COL20A1: variants seen among roughly 807,000 people sequenced by gnomAD.
COL20A1 encodes the protein collagen alpha-1(XX) chain.
A neutral mutation model predicts 152.9 loss-of-function variants in COL20A1; 164 were observed. The observed-to-expected ratio is 1.07, with a 90% CI of 0.94 to 1.22. The LOEUF is 1.22. Among genes scored for constraint, COL20A1 ranks in the 50% most tolerant of loss-of-function variants. COL20A1 has a pLI of 0.00. For missense variants in COL20A1, 1,873 were observed against 1,744.8 expected (o/e 1.07, Z -1.31); for synonymous variants, 864 against 756.0 (o/e 1.14, Z -2.34).
intron 26 of COL20A1, 111 bp downstream of exon 26, chr20:63,321,210 T>C: frequency 1.5e-6 from 1 of 666,302 alleles, no homozygotes; most frequent in South Asian, 1.8e-5. Flanking sequence ...GCCCCCGTCC[T>C]GCCGCAGAGT....
At chr20:63,314,804 GC>G (rs2068062736) in intron 19 of COL20A1, among the ~76,000 whole-genome samples, 1 of 151,280 alleles carries the variant, frequency 6.6e-6, no homozygotes, top group African/African-American at 2.4e-5. Context: ...CATCTCCCTG[GC>G]CCCCAGGACA....
At chr20:63,322,651 C>T (rs2068182225) in intron 27 of COL20A1, among the ~76,000 whole-genome samples, 1 of 152,236 alleles carries the variant, frequency 6.6e-6, no homozygotes, top group Non-Finnish European at 1.5e-5. Context: ...GGCAGCAGCC[C>T]CCCACCCCAG....
intron 20 of COL20A1, 129 bp downstream of exon 20, chr20:63,315,568 G>C (rs1020758747): frequency 1.2e-6 from 1 of 837,386 alleles, no homozygotes; most frequent in Non-Finnish European, 1.8e-6. Flanking sequence ...GGGCGGGTTT[G>C]TGCCTCCACA....
chr20:63,310,299 CT>C, intron 10 of COL20A1, 81 bp from the exon 11 acceptor site: 1 of 1,497,660 alleles, frequency 6.7e-7, no homozygotes, highest in Non-Finnish European at 9.1e-7. Flanking sequence ...TGAGCTCACA[CT>C]CCAGCTGACG....
Position 63,330,868 on chromosome 20 carries a change from G to A in COL20A1, c.*152G>A, listed in dbSNP as rs1204515184. 2.0e-5 allele frequency: 3 copies of A among 152,250 alleles called. No individual in the cohort carries two copies. The highest frequency in any genetic ancestry group is 4.4e-5 in the Non-Finnish European group (3 of 68,088). 9.4% of individuals were successfully genotyped at this position (152,250 alleles called of 1,614,324 possible). ...AGAGGGAAGCAGCGGCCTCGGCCAA[G>A]GCCCACCCCATACTCTTGGCTCTGT... On this transcript the variant is annotated 3_prime_UTR_variant, in exon 36 of 36. Coordinates refer to ENST00000358894, the MANE Select transcript of COL20A1 (RefSeq NM_020882.4).
Position 63,308,064 on chromosome 20 carries a change from G to T in COL20A1, c.749G>T (p.Arg250Leu). Residue 250 changes from arginine to leucine, a missense_variant, in exon 7 of 36, where the codon CGC (arginine) becomes CTC (leucine). Transcript: ENST00000358894. ...GTGCTGGCAGCTGTGCGCCGCCTCC[G>T]CTACAAGGGGGGGAACACGTTCACA... ...EQVLAAVRRLRYKGGNTFTGL... is the reference protein window; with the variant it reads ...EQVLAAVRRLLYKGGNTFTGL... 2.5e-6 allele frequency: 4 copies of T among 1,612,318 alleles called. No individual in the cohort carries two copies. The highest frequency in any genetic ancestry group is 1.1e-5 in the South Asian group (1 of 91,080).
chr20:63,312,480 T>TA lies in COL20A1; in HGVS notation c.1865dup (p.Tyr622Ter). The TA allele has an allele frequency of 6.2e-7, 1 of 1,609,016 alleles. No homozygotes were observed. Among genetic ancestry groups the TA allele is most frequent in the Non-Finnish European group, 8.5e-7 (1 of 1,178,846 alleles). Residue 622 changes from tyrosine to a stop codon, truncating the protein, a stop_gained and frameshift_variant, in exon 15 of 36, where the codon TAC becomes TAAC. Coordinates refer to ENST00000358894, the MANE Select transcript of COL20A1 (RefSeq NM_020882.4). LOFTEE classifies it high-confidence loss of function. Reference protein sequence around the residue: ...TLGPLSSSTTYTVRVTCLYPG... With the variant: ...TLGPLSSSTT ...GGGGCCTCTCTCTTCCTCCACCACC[T>TA]ACACTGTCCGTGTCACCTGCCTCTA...
intron 3 of COL20A1, 132 bp downstream of exon 3, chr20:63,298,152 C>T (rs1311513866): frequency 1.6e-6 from 1 of 624,444 alleles, no homozygotes; most frequent in African/African-American, 1.8e-5. Context: ...ACCTCTCTGG[C>T]CTTGGTCTCT....
At chr20:63,317,827 A>T (rs1202892577) in intron 21 of COL20A1, among the ~76,000 whole-genome samples, 1 of 151,702 alleles carries the variant, frequency 6.6e-6, no homozygotes, top group African/African-American at 2.4e-5. Flanking sequence ...CAGGCTGCAG[A>T]GCCCTCTTCC....
chr20:63,295,991 G>A (rs1036407752), intron 2 of COL20A1, among the ~76,000 whole-genome samples: 24 of 152,384 alleles, frequency 1.6e-4, no homozygotes, highest in East Asian at 7.7e-4. Flanking sequence ...TCTACTGTGC[G>A]TTTAAAGCAC....
At chr20:63,329,717 G>C in intron 35 of COL20A1, 56 bp downstream of exon 35, 5 of 1,312,118 alleles carry the variant, frequency 3.8e-6, no homozygotes, top group Non-Finnish European at 5.2e-6. Context: ...CAGGAAGGAG[G>C]AGCTCCTGAG....
chr20:63,298,415 T>C (rs1287057914), intron 3 of COL20A1, among the ~76,000 whole-genome samples: 1 of 151,966 alleles, frequency 6.6e-6, no homozygotes, highest in Non-Finnish European at 1.5e-5. Context: ...CTCAGCCTCC[T>C]GTGTAGCTGG....
chr20:63,310,335 C>A, intron 10 of COL20A1, 46 bp from the exon 11 acceptor site: 1 of 1,601,162 alleles, frequency 6.2e-7, no homozygotes, highest in East Asian at 2.3e-5. Flanking sequence ...CTCCCCATCC[C>A]CCGGCACCCC....
At chr20:63,323,828 C>G (rs890231034) in intron 27 of COL20A1, among the ~76,000 whole-genome samples, 1 of 152,220 alleles carries the variant, frequency 6.6e-6, no homozygotes, top group Non-Finnish European at 1.5e-5. Flanking sequence ...TTTCCTGGCT[C>G]TCTTTGCTTA....
chr20:63,321,768 T>G (rs1188427271), intron 26 of COL20A1, among the ~76,000 whole-genome samples: 1 of 152,182 alleles, frequency 6.6e-6, no homozygotes, highest in African/African-American at 2.4e-5. Context: ...CTTCCAGAGC[T>G]GGCTCTGGGA....
chr20:63,299,662 A>G, intron 3 of COL20A1, among the ~76,000 whole-genome samples: 1 of 152,194 alleles, frequency 6.6e-6, no homozygotes, highest in African/African-American at 2.4e-5. Flanking sequence ...TATCAGGTTC[A>G]GTCCTGTGCT....
rs745514402 is a variant in COL20A1, at chr20:63,316,572, C to T, written c.2544C>T (p.Ala848=). The T allele has an allele frequency of 9.4e-6, 15 of 1,590,778 alleles. No individual in the cohort carries two copies. In the African/African-American group the frequency reaches 1.9e-4, roughly 20 times the overall value. Reference sequence around the variant, plus strand: ...CCCCAGGGTTTGACCTGATGGTGGCCTTCAGCCTGGTGGAAAAGGCTTATG... The same window carrying T: ...CCCCAGGGTTTGACCTGATGGTGGCTTTCAGCCTGGTGGAAAAGGCTTATG... ...GSLPGFDLMV[A]FSLVEKAYAS... The change falls in exon 21 of 36, where the codon GCC becomes GCT. Residue 848 remains alanine, a synonymous_variant. Coordinates refer to ENST00000358894, the MANE Select transcript of COL20A1 (RefSeq NM_020882.4).
At chr20:63,322,639 A>T (rs2068181925) in intron 27 of COL20A1, among the ~76,000 whole-genome samples, 1 of 152,218 alleles carries the variant, frequency 6.6e-6, no homozygotes, top group Non-Finnish European at 1.5e-5. Context: ...GCGCCCAGCG[A>T]TGGCAGCAGC....
At chr20:63,295,466 C>T (rs2067777078) in intron 2 of COL20A1, among the ~76,000 whole-genome samples, 1 of 152,232 alleles carries the variant, frequency 6.6e-6, no homozygotes, top group Admixed American at 6.5e-5. Context: ...TCGGAGCAGT[C>T]TCTAGGAAGC....
Sources: allele counts gnomAD v4.1 joint callset (sites outside exome capture counted in the v4.1 genomes callset), GRCh38; gene constraint gnomAD v4.1.1; transcripts MANE v1.5; gene names NCBI Gene and HGNC (gene_info 2026-07-23, HGNC 2026-07-21).